Variants in DAB1 observed in about 807,000 individuals in gnomAD.
DAB1 encodes disabled homolog 1.
Under a neutral mutation model 64.6 loss-of-function variants are expected in DAB1, and 15 were observed. The ratio of observed to expected loss-of-function variants is 0.23; its 90% CI spans 0.16 to 0.36. The LOEUF (loss-of-function observed/expected upper bound fraction) is 0.36. DAB1 is among the 10% of genes least tolerant of loss of function. The pLI, the probability that DAB1 is intolerant of heterozygous loss-of-function variation, is 1.00. For missense variants in DAB1, 596 were observed against 706.7 expected (o/e 0.84, Z 1.78); for synonymous variants, 235 against 251.9 (o/e 0.93, Z 0.64).
At chr1:57,699,067 A>T (rs1326722089) in intron 6 of DAB1, among the ~76,000 whole-genome samples, 1 of 152,056 alleles carries the variant, frequency 6.6e-6, no homozygotes, top group Admixed American at 6.5e-5. Flanking sequence ...CCTCCCAAGT[A>T]GCTGGGACTA....
chr1:57,289,990 T>C (rs893306559), intron 2 of DAB1, among the ~76,000 whole-genome samples: 1 of 152,350 alleles, frequency 6.6e-6, no homozygotes, highest in Non-Finnish European at 1.5e-5. Context: ...CATCACACTA[T>C]GCCTGCAAAT....
chr1:57,424,316 G>A (rs1370470864), upstream of DAB1, among the ~76,000 whole-genome samples: 10 of 151,424 alleles, frequency 6.6e-5, 1 homozygote, highest in Admixed American at 4.6e-4. Flanking sequence ...TGGCGGTGGC[G>A]ACGAGGAGGT....
At chr1:57,626,991 A>G (rs1214518270) in intron 7 of DAB1, among the ~76,000 whole-genome samples, 1 of 152,154 alleles carries the variant, frequency 6.6e-6, no homozygotes, top group African/African-American at 2.4e-5. Flanking sequence ...AGCACAGACT[A>G]CTACTTCTGG....
At chr1:57,617,134 C>T (rs1048114029) in intron 7 of DAB1, among the ~76,000 whole-genome samples, 1 of 152,138 alleles carries the variant, frequency 6.6e-6, no homozygotes, top group African/African-American at 2.4e-5. Context: ...TGGGCTGGTG[C>T]ACATACTGCC....
In DAB1 at chr1:58,357,527, C is replaced by T. The variant is rs554646330; in HGVS notation, n.258-14124G>A. 7.4e-4 allele frequency among the ~76,000 whole-genome samples: 112 copies of T among 152,182 alleles called. 2 individuals are homozygous for T. The South Asian group carries it at 0.018, about 24-fold the overall frequency. ...AATAGGCACTGGGCATTTAGATGCA[C>T]GGATCTGAAGTTCCTGAAGACATCA... On this transcript the variant is annotated intron_variant and non_coding_transcript_variant, in intron 3 of 20. Coordinates refer to the DAB1 transcript ENST00000485760.
chr1:58,264,863 G>A (rs1404482384), intron 4 of DAB1, among the ~76,000 whole-genome samples: 1 of 152,150 alleles, frequency 6.6e-6, no homozygotes, highest in Non-Finnish European at 1.5e-5. Flanking sequence ...AGTTTTGATG[G>A]TCAGTTAGCT....
At chr1:57,510,250 C>A (rs1327162022) in intron 7 of DAB1, among the ~76,000 whole-genome samples, 1 of 152,180 alleles carries the variant, frequency 6.6e-6, no homozygotes, top group Non-Finnish European at 1.5e-5. Context: ...GCTCTCTCTG[C>A]CTGCACTTTA....
At chr1:57,575,393 G>A (rs1391413715) in intron 7 of DAB1, among the ~76,000 whole-genome samples, 1 of 152,144 alleles carries the variant, frequency 6.6e-6, no homozygotes, top group African/African-American at 2.4e-5. Flanking sequence ...GCCCTGCGAT[G>A]TGGGCTAGAA....
intron 7 of DAB1, among the ~76,000 whole-genome samples, chr1:57,541,236 C>A (rs1048477492): frequency 1.3e-4 from 19 of 151,598 alleles, no homozygotes; most frequent in Non-Finnish European, 1.8e-4. Context: ...TCACGCCATT[C>A]TCCTGCCTCA....
intron 6 of DAB1, among the ~76,000 whole-genome samples, chr1:57,691,021 G>A (rs1338212179): frequency 6.6e-6 from 1 of 152,054 alleles, no homozygotes; most frequent in Non-Finnish European, 1.5e-5. Context: ...AGTTGTTTGA[G>A]TTCCTTATAT....
intron 4 of DAB1, among the ~76,000 whole-genome samples, chr1:58,289,933 C>G (rs1661774477): frequency 6.6e-6 from 1 of 152,172 alleles, no homozygotes; most frequent in South Asian, 2.1e-4. Context: ...TCACTTGTAT[C>G]CAGCACAAAA....
upstream of DAB1, among the ~76,000 whole-genome samples, chr1:57,428,135 T>G (rs1452228660): frequency 1.3e-5 from 2 of 151,810 alleles, no homozygotes; most frequent in African/African-American, 2.4e-5. Flanking sequence ...ACCATTGTAC[T>G]CCAGCCTGGG....
intron 2 of DAB1, among the ~76,000 whole-genome samples, chr1:57,283,801 G>A (rs1672100598): frequency 6.6e-6 from 1 of 152,206 alleles, no homozygotes; most frequent in African/African-American, 2.4e-5. Context: ...CAGCCAGGGA[G>A]CCATTCCTGG....
At chr1:58,286,088 G>T (rs1255897470) in intron 4 of DAB1, among the ~76,000 whole-genome samples, 1 of 119,236 alleles carries the variant, frequency 8.4e-6, no homozygotes, top group Non-Finnish European at 1.7e-5. Context: ...TATAATAAAT[G>T]GTGCTGGGAA....
chr1:58,476,985 C>T (rs958398497), intron 3 of DAB1, among the ~76,000 whole-genome samples: 2 of 152,182 alleles, frequency 1.3e-5, no homozygotes, highest in Non-Finnish European at 2.9e-5. Context: ...TTTTGAGCTT[C>T]GGTCTCCAGG....
intron 7 of DAB1, among the ~76,000 whole-genome samples, chr1:57,558,198 C>T (rs1570625228): frequency 6.6e-6 from 1 of 152,172 alleles, no homozygotes; most frequent in South Asian, 2.1e-4. Context: ...AGAGCTTCCC[C>T]ATCCCCAGTA....
At chr1:57,407,435 C>A (rs539341281) in intron 1 of DAB1, among the ~76,000 whole-genome samples, 2 of 152,270 alleles carry the variant, frequency 1.3e-5, no homozygotes, top group South Asian at 2.1e-4. Flanking sequence ...TGAGGCATGT[C>A]CTTTACAAAG....
chr1:58,305,076 G>A (rs1662275134), intron 4 of DAB1, among the ~76,000 whole-genome samples: 1 of 151,932 alleles, frequency 6.6e-6, no homozygotes. Flanking sequence ...CTACAGTCTT[G>A]AACTCCTGGG....
chr1:57,987,830 GTTTTTTTGT>G (rs961035464), intron 5 of DAB1, among the ~76,000 whole-genome samples: 16 of 143,176 alleles, frequency 1.1e-4, no homozygotes, highest in African/African-American at 3.7e-4. Context: ...AAGTGAGAGG[GTTTTTTTGT>G]TTTTTTTGTT....
Sources: gnomAD v4.1 joint callset for allele counts (sites outside exome capture counted in the v4.1 genomes callset) on GRCh38, gnomAD v4.1.1 for gene constraint, MANE v1.5 for transcripts, NCBI Gene and HGNC (gene_info 2026-07-23, HGNC 2026-07-21) for gene names.